The following EEFSEC variants were observed in gnomAD, a reference collection of about 807,000 sequenced individuals.
EEFSEC encodes selenocysteine-specific elongation factor.
EEFSEC carries 43 observed loss-of-function variants against 42.1 expected under a neutral mutation model. That is an observed-to-expected ratio of 1.02 (90% CI 0.80 to 1.32). The LOEUF (loss-of-function observed/expected upper bound fraction) is 1.32, where lower values mean the gene tolerates loss of function less well. Among genes scored for constraint, EEFSEC ranks in the 40% most tolerant of loss-of-function variants. The pLI is 0.00. For missense variants in EEFSEC, 745 were observed against 803.6 expected (o/e 0.93, Z 0.88); for synonymous variants, 354 against 339.1 (o/e 1.04, Z -0.48).
At chr3:128,208,359 T>C (rs1276997775) in intron 1 of EEFSEC, among the ~76,000 whole-genome samples, 1 of 152,244 alleles carries the variant, frequency 6.6e-6, no homozygotes, top group East Asian at 1.9e-4. Flanking sequence ...TCATAGATAT[T>C]GGATGATGAC....
chr3:128,187,096 T>G (rs1406436349), intron 1 of EEFSEC, among the ~76,000 whole-genome samples: 2 of 152,228 alleles, frequency 1.3e-5, no homozygotes, highest in Non-Finnish European at 2.9e-5. Context: ...TATGAGATGT[T>G]GGAGATCCCA....
downstream of EEFSEC, among the ~76,000 whole-genome samples, chr3:128,411,028 C>T (rs1338084735): frequency 2.6e-5 from 4 of 152,226 alleles, no homozygotes; most frequent in African/African-American, 4.8e-5. Context: ...GGCCTGAAAA[C>T]GCCCAGCCGA....
chr3:128,251,610 C>T (rs2066187627), intron 2 of EEFSEC, among the ~76,000 whole-genome samples: 1 of 151,764 alleles, frequency 6.6e-6, no homozygotes, highest in South Asian at 2.1e-4. Flanking sequence ...TGAATTATGC[C>T]CATGTAAAAA....
At position 128,229,943 on chromosome 3, in the gene EEFSEC, G is replaced by A. The variant is rs1336760472; in HGVS notation, c.317-16893G>A. On this transcript the variant is annotated intron_variant, in intron 1 of 6. Transcript: ENST00000254730. ...CTCATGTGAGGTGCCCACCAGCCCT[G>A]GAGGGTTTCCTTTCCTTTCCTTTTC... Among the ~76,000 whole-genome samples the A allele has an allele frequency of 2.0e-5, 3 of 151,918 alleles. 1 individual carries two copies. The highest frequency in any genetic ancestry group is 4.4e-5 in the Non-Finnish European group (3 of 67,948).
At chr3:128,358,501 C>T in intron 6 of EEFSEC, 128 bp downstream of exon 6, 1 of 1,349,692 alleles carries the variant, frequency 7.4e-7, no homozygotes, top group Non-Finnish European at 1.0e-6. Flanking sequence ...CACGGGGTGA[C>T]TTGGCCTGCC....
At chr3:128,300,366 G>A (rs996317490) in intron 4 of EEFSEC, among the ~76,000 whole-genome samples, 1 of 152,160 alleles carries the variant, frequency 6.6e-6, no homozygotes, top group African/African-American at 2.4e-5. Flanking sequence ...CACTTAGGGA[G>A]GCTGAGGTGG....
chr3:128,297,066 T>C (rs1417430664), intron 4 of EEFSEC, among the ~76,000 whole-genome samples: 9 of 152,006 alleles, frequency 5.9e-5, no homozygotes. Context: ...ACTGATGAGT[T>C]AGTAGCATAG....
At chr3:128,370,747 A>G (rs2067644133) in intron 6 of EEFSEC, among the ~76,000 whole-genome samples, 1 of 152,196 alleles carries the variant, frequency 6.6e-6, no homozygotes, top group Admixed American at 6.5e-5. Context: ...CCCAGGGGGC[A>G]CCGTTTGGGT....
intron 2 of EEFSEC, among the ~76,000 whole-genome samples, chr3:128,250,108 T>C (rs1009853922): frequency 3.3e-5 from 5 of 152,174 alleles, no homozygotes; most frequent in Admixed American, 6.5e-5. Context: ...TTTTCTGTTG[T>C]TGTTGTTGTT....
chr3:128,174,892 A>T (rs1262819753), intron 1 of EEFSEC, among the ~76,000 whole-genome samples: 1 of 152,236 alleles, frequency 6.6e-6, no homozygotes, highest in Non-Finnish European at 1.5e-5. Context: ...TGCAGACAGC[A>T]GGAAAGAGCA....
At chr3:128,362,551 G>A (rs2067540240) in intron 6 of EEFSEC, among the ~76,000 whole-genome samples, 1 of 152,222 alleles carries the variant, frequency 6.6e-6, no homozygotes. Flanking sequence ...TCTCCCACAG[G>A]GTGCTCCTGA....
intron 1 of EEFSEC, among the ~76,000 whole-genome samples, chr3:128,201,775 T>C (rs1343299366): frequency 6.6e-6 from 1 of 152,208 alleles, no homozygotes; most frequent in Admixed American, 6.5e-5. Flanking sequence ...TAACTTTGCT[T>C]ACCACCAAGT....
the EEFSEC span, among the ~76,000 whole-genome samples, chr3:128,425,965 C>T: frequency 6.6e-6 from 1 of 152,190 alleles, no homozygotes. Flanking sequence ...GTAGGTGAAT[C>T]GTGTTATTAT....
chr3:128,189,639 C>A (rs1034227149), intron 1 of EEFSEC, among the ~76,000 whole-genome samples: 1 of 151,344 alleles, frequency 6.6e-6, no homozygotes, highest in Non-Finnish European at 1.5e-5. Flanking sequence ...CTCACTGCAA[C>A]CTCTGCCGCC....
chr3:128,269,160 C>T (rs1369245321), intron 4 of EEFSEC, among the ~76,000 whole-genome samples: 1 of 152,202 alleles, frequency 6.6e-6, no homozygotes, highest in Admixed American at 6.5e-5. Flanking sequence ...ACCCGGGAAA[C>T]TTAAGCAACT....
At chr3:128,165,356 T>C (rs2065233815) in intron 1 of EEFSEC, among the ~76,000 whole-genome samples, 1 of 152,238 alleles carries the variant, frequency 6.6e-6, no homozygotes, top group South Asian at 2.1e-4. Flanking sequence ...TATATATAAA[T>C]CAAATTGTCA....
chr3:128,325,482 C>A (rs1288341640), intron 4 of EEFSEC, among the ~76,000 whole-genome samples: 2 of 152,182 alleles, frequency 1.3e-5, no homozygotes, highest in Admixed American at 1.3e-4. Flanking sequence ...CTCAGGTGCC[C>A]TGTAGAAGGC....
intron 1 of EEFSEC, among the ~76,000 whole-genome samples, chr3:128,208,041 C>T (rs2065716936): frequency 1.3e-5 from 2 of 152,102 alleles, no homozygotes; most frequent in South Asian, 4.2e-4. Flanking sequence ...TTCTTGTCCC[C>T]ACTGTTGGGA....
At chr3:128,210,401 C>T (rs2065744321) in intron 1 of EEFSEC, among the ~76,000 whole-genome samples, 1 of 152,204 alleles carries the variant, frequency 6.6e-6, no homozygotes, top group Non-Finnish European at 1.5e-5. Flanking sequence ...GTGTATGTAA[C>T]TCCAGATCTC....
Sources: allele counts gnomAD v4.1 joint callset (sites outside exome capture counted in the v4.1 genomes callset), GRCh38; gene constraint gnomAD v4.1.1; transcripts MANE v1.5; gene names NCBI Gene and HGNC (gene_info 2026-07-23, HGNC 2026-07-21).